Variants in PALM2AKAP2 observed in about 807,000 individuals in gnomAD.
PALM2AKAP2 encodes the protein PALM2-AKAP2 fusion protein.
Under a neutral mutation model 71.5 loss-of-function variants are expected in PALM2AKAP2, and 37 were observed. The ratio of observed to expected loss-of-function variants is 0.52; its 90% CI spans 0.40 to 0.68. The LOEUF (loss-of-function observed/expected upper bound fraction) is 0.68, where lower values mean the gene tolerates loss of function less well. PALM2AKAP2 is among the 30% of genes least tolerant of loss of function. PALM2AKAP2 has a pLI of 0.00. For synonymous variants in PALM2AKAP2, 468 were observed against 478.8 expected (o/e 0.98, Z 0.29); for missense variants, 1,224 against 1,191.8 (o/e 1.03, Z -0.40).
At chr9:109,916,283 C>A (rs917848730) in intron 3 of PALM2AKAP2, among the ~76,000 whole-genome samples, 5 of 152,164 alleles carry the variant, frequency 3.3e-5, no homozygotes, top group Admixed American at 3.3e-4. Context: ...TTGAATGGCA[C>A]GGGTCCCCAG....
chr9:109,929,887 A>AAAAAAAAAAAAAAT (rs768243071), intron 5 of PALM2AKAP2, among the ~76,000 whole-genome samples: 1 of 143,630 alleles, frequency 7.0e-6, no homozygotes, highest in Non-Finnish European at 1.5e-5. Context: ...AAAAAAAAAA[A>AAAAAAAAAAAAAAT]GAGAGAGAAT....
chr9:109,836,442 A>G (rs1191006177), intron 1 of PALM2AKAP2, among the ~76,000 whole-genome samples: 3 of 152,254 alleles, frequency 2.0e-5, no homozygotes, highest in Admixed American at 1.3e-4. Context: ...AACAGAGCAG[A>G]AAACCTGAAA....
intron 1 of PALM2AKAP2, among the ~76,000 whole-genome samples, chr9:109,676,175 C>T (rs564433156): frequency 3.1e-4 from 47 of 152,276 alleles, no homozygotes; most frequent in African/African-American, 1.1e-3. Context: ...GCAAGAGTTC[C>T]TCACTTCCTC....
chr9:110,116,793 A>G (rs890545207), intron 1 of PALM2AKAP2, among the ~76,000 whole-genome samples: 2 of 152,224 alleles, frequency 1.3e-5, no homozygotes, highest in African/African-American at 4.8e-5. Context: ...AGCTGTGTAG[A>G]GTGAGAGTAC....
intron 1 of PALM2AKAP2, among the ~76,000 whole-genome samples, chr9:109,809,858 G>A (rs1827681532): frequency 6.6e-6 from 1 of 152,136 alleles, no homozygotes; most frequent in Admixed American, 6.5e-5. Flanking sequence ...GTTTTATAAG[G>A]GGCTTGTCCT....
chr9:110,138,422 G>A (rs1275232946), exon 2 of PALM2AKAP2: 1 of 1,614,150 alleles, frequency 6.2e-7, no homozygotes, highest in African/African-American at 1.3e-5. Context: ...GATCCGAGCA[G>A]CTCAGGAAAG....
chr9:109,682,728 T>C (rs1241229668), intron 1 of PALM2AKAP2, among the ~76,000 whole-genome samples: 1 of 152,198 alleles, frequency 6.6e-6, no homozygotes, highest in Non-Finnish European at 1.5e-5. Context: ...AGTGCCATTT[T>C]GTATTTTGCA....
At chr9:110,156,834 T>C (rs1473379555) in intron 3 of PALM2AKAP2, among the ~76,000 whole-genome samples, 5 of 152,204 alleles carry the variant, frequency 3.3e-5, no homozygotes, top group Non-Finnish European at 7.3e-5. Context: ...AAATCATCCC[T>C]ATGCACCTGG....
intron 3 of PALM2AKAP2, among the ~76,000 whole-genome samples, chr9:110,159,445 A>G (rs1468001140): frequency 6.6e-6 from 1 of 152,228 alleles, no homozygotes; most frequent in Non-Finnish European, 1.5e-5. Context: ...CTGAGAATCA[A>G]TGCCTGTCGC....
rs1358573723 is a variant in PALM2AKAP2 at position 109,784,463 on chromosome 9, C to T, written c.45+3930C>T. On this transcript the variant is annotated intron_variant, in intron 1 of 9. Coordinates refer to the PALM2AKAP2 transcript ENST00000302798. ...AATTACCAGGAGGCATTTGTTTATT[C>T]GTTATTTGATTATTATTTATTCAGG... Among the ~76,000 whole-genome samples, 8 of 152,080 alleles carry T rather than the reference C, an allele frequency of 5.3e-5. No homozygotes were observed. In the South Asian group the frequency reaches 8.3e-4, roughly 16 times the overall value.
At chr9:109,927,356 C>A (rs1350959998) in intron 5 of PALM2AKAP2, among the ~76,000 whole-genome samples, 1 of 152,126 alleles carries the variant, frequency 6.6e-6, no homozygotes. Flanking sequence ...TTGCCAAGAC[C>A]CTCTTAGAAT....
chr9:109,850,200 A>G (rs760470460), intron 1 of PALM2AKAP2, among the ~76,000 whole-genome samples: 49 of 152,166 alleles, frequency 3.2e-4, no homozygotes, highest in African/African-American at 1.2e-3. Flanking sequence ...TGCTTAGGTC[A>G]TGTTAATTAG....
chr9:110,003,886 A>C (rs1000067312), intron 6 of PALM2AKAP2, among the ~76,000 whole-genome samples: 1 of 152,034 alleles, frequency 6.6e-6, no homozygotes, highest in South Asian at 2.1e-4. Flanking sequence ...TCCTTGGTAG[A>C]TCTTCCCCCA....
At chr9:109,960,534 A>T (rs9969778) in intron 6 of PALM2AKAP2, among the ~76,000 whole-genome samples, 149,634 of 152,312 alleles carry the variant, frequency 0.98, 73,516 homozygotes, top group East Asian at 1. Context: ...TCCCAGCTAC[A>T]CAGGAGGCTG....
At position 109,975,771 on chromosome 9, in the gene PALM2AKAP2, A is replaced by G. The variant is rs1298882364; in HGVS notation, c.497-40183A>G. 2.6e-5 allele frequency among the ~76,000 whole-genome samples: 4 copies of G among 152,200 alleles called. No individual in the cohort carries two copies. The East Asian group carries it at 7.7e-4, about 29-fold the overall frequency. ...AGAACCTGCAAAAATTGTGGTTCAC[A>G]GCCACCATCATACATTCCTTGCTAA... On this transcript the variant is annotated intron_variant, in intron 6 of 9. Transcript: ENST00000302798.
intron 1 of PALM2AKAP2, among the ~76,000 whole-genome samples, chr9:109,742,663 T>A (rs1003426111): frequency 4.6e-5 from 7 of 152,194 alleles, no homozygotes; most frequent in African/African-American, 1.7e-4. Flanking sequence ...ACATGCAGGA[T>A]TATATATTTC....
At chr9:109,862,306 G>A (rs1829330414) in intron 1 of PALM2AKAP2, among the ~76,000 whole-genome samples, 1 of 152,104 alleles carries the variant, frequency 6.6e-6, no homozygotes, top group African/African-American at 2.4e-5. Context: ...GGAAGCCTGG[G>A]GATGGTTCTG....
chr9:109,724,101 A>G (rs1178029909), intron 1 of PALM2AKAP2, among the ~76,000 whole-genome samples: 1 of 152,236 alleles, frequency 6.6e-6, no homozygotes, highest in Non-Finnish European at 1.5e-5. Context: ...ACACACAGAC[A>G]TCATCTCTTT....
At chr9:110,032,949 T>C (rs1014885895) in intron 7 of PALM2AKAP2, among the ~76,000 whole-genome samples, 3 of 151,738 alleles carry the variant, frequency 2.0e-5, no homozygotes, top group Non-Finnish European at 4.4e-5. Context: ...TATAAATAAA[T>C]AAATTTATTG....
Sources: gnomAD v4.1 joint callset for allele counts (sites outside exome capture counted in the v4.1 genomes callset) on GRCh38, gnomAD v4.1.1 for gene constraint, MANE v1.5 for transcripts, NCBI Gene and HGNC (gene_info 2026-07-23, HGNC 2026-07-21) for gene names.